Variants in DDX21 observed in about 807,000 individuals in gnomAD.
DDX21 encodes the protein DExD-box helicase 21.
DDX21 carries 18 observed loss-of-function variants against 90.0 expected under a neutral mutation model. The observed-to-expected ratio is 0.20, with a 90% confidence interval of 0.14 to 0.30. The LOEUF is 0.30. Among genes scored for constraint, DDX21 ranks in the 10% least tolerant of loss-of-function variants. DDX21 has a pLI of 1.00. For synonymous variants in DDX21, 294 were observed against 318.0 expected (o/e 0.92, Z 0.80); for missense variants, 673 against 944.5 (o/e 0.71, Z 3.77).
chr10:68,969,208 T>C (rs535092758), intron 7 of DDX21, 87 bp downstream of exon 7: 1 of 1,257,652 alleles, frequency 8.0e-7, no homozygotes. Flanking sequence ...ATGCTCTTTT[T>C]CCAGATAAAT....
chr10:68,966,302 C>T (rs1264677933), intron 5 of DDX21, among the ~76,000 whole-genome samples: 1 of 151,572 alleles, frequency 6.6e-6, no homozygotes, highest in African/African-American at 2.4e-5. Context: ...ATCTCGAACT[C>T]CTGACCTCAT....
rs772408813 is a variant in DDX21 at position 68,967,072 on chromosome 10, A to G, written c.959A>G (p.Lys320Arg). Reference sequence around the variant, plus strand: ...CTGGTTGGAACACCAGGTCGTATCAAAGACCACATACAGAATGGCAAACTA... The same window carrying G: ...CTGGTTGGAACACCAGGTCGTATCAGAGACCACATACAGAATGGCAAACTA... ...DILVGTPGRIKDHIQNGKLDL... is the reference protein window; with the variant it reads ...DILVGTPGRIRDHIQNGKLDL... Residue 320 changes from lysine (K) to arginine (R), a missense_variant, in exon 6 of 15, where the codon AAA (lysine) becomes AGA (arginine). This residue lies in a region of DDX21 where 218 missense variants were observed against 347.3 expected (regional missense o/e 0.63). Transcript: ENST00000354185. 1 of 1,612,322 alleles carries G rather than the reference A, an allele frequency of 6.2e-7. No individual in the cohort carries two copies. The highest frequency in any genetic ancestry group is 8.5e-7 in the Non-Finnish European group (1 of 1,179,378).
intron 5 of DDX21, among the ~76,000 whole-genome samples, chr10:68,966,364 C>T (rs776525179): frequency 7.9e-5 from 12 of 151,150 alleles, no homozygotes; most frequent in Non-Finnish European, 1.3e-4. Context: ...CGTGAGCCAC[C>T]GTGCCCAGCC....
intron 1 of DDX21, among the ~76,000 whole-genome samples, chr10:68,957,055 A>C (rs987310568): frequency 4.0e-5 from 6 of 151,310 alleles, no homozygotes; most frequent in African/African-American, 1.5e-4. Flanking sequence ...AAAAAAAAAA[A>C]TGTGGGCACT....
chr10:68,981,449 T>C (rs374987400), intron 13 of DDX21, 88 bp from the exon 14 acceptor site: 18 of 1,252,792 alleles, frequency 1.4e-5, no homozygotes, highest in East Asian at 1.2e-4. Context: ...TTTTTTGTTT[T>C]CTTTTTTTTA....
intron 6 of DDX21, 82 bp from the exon 7 acceptor site, chr10:68,968,894 G>A: frequency 6.7e-7 from 1 of 1,490,152 alleles, no homozygotes; most frequent in South Asian, 1.3e-5. Flanking sequence ...TTGATGGACT[G>A]TGGAAGTATT....
Position 68,971,911 on chromosome 10 carries a change from A to T in DDX21, c.1407A>T (p.Gly469=). Residue 469 remains glycine, a synonymous_variant, in exon 9 of 15, where the codon GGA becomes GGT. Transcript: ENST00000354185. ...GGCAGGATGCTCAGTCCTTGCATGG[A>T]GACATTCCACAGAAGCAAAGGGAAA... is the stretch of plus-strand genomic sequence containing the variant. ...AIKQDAQSLH[G]DIPQKQREIT... is the part of the protein sequence containing the mutation. The T allele has an allele frequency of 6.2e-7, 1 of 1,614,170 alleles. No homozygotes were observed. The highest frequency in any genetic ancestry group is 8.5e-7 in the Non-Finnish European group (1 of 1,180,010).
In DDX21 at chr10:68,963,436, A is replaced by G. The variant is rs746494504; in HGVS notation, c.753A>G (p.Glu251=). 3.7e-6 allele frequency: 6 copies of G among 1,613,714 alleles called. No homozygotes were observed. Among genetic ancestry groups the G allele is most frequent in the African/African-American group, 2.7e-5 (2 of 74,904 alleles). ...CTTTGATTGAGAAACTTCATGGGGA[A>G]CTGCAAGACAGGAAGAGAGGCCGTG... ...AIPLIEKLHG[E]LQDRKRGRAP... The change falls in exon 4 of 15, where the codon GAA becomes GAG. Residue 251 remains glutamate, a synonymous_variant. Transcript: ENST00000354185.
intron 7 of DDX21, 119 bp from the exon 8 acceptor site, chr10:68,970,082 T>A: frequency 1.1e-6 from 1 of 946,752 alleles, no homozygotes; most frequent in Non-Finnish European, 1.5e-6. Flanking sequence ...CAGGCTTGAG[T>A]AGTTGTTTCC....
At chr10:68,964,661 C>CTTTTTT (rs370442851) in intron 4 of DDX21, among the ~76,000 whole-genome samples, 5 of 100,076 alleles carry the variant, frequency 5.0e-5, no homozygotes, top group East Asian at 3.0e-4. Context: ...TGCACCTGGA[C>CTTTTTT]TTTTTTTTTT....
intron 2 of DDX21, among the ~76,000 whole-genome samples, chr10:68,960,774 TAAAA>T (rs35285469): frequency 7.0e-6 from 1 of 142,328 alleles, no homozygotes; most frequent in Non-Finnish European, 1.5e-5. Flanking sequence ...ACTCTGTCTT[TAAAA>T]AAAAAAAAAA....
intron 3 of DDX21, 73 bp downstream of exon 3, chr10:68,962,230 A>G (rs1842880958): frequency 2.6e-6 from 3 of 1,169,622 alleles, no homozygotes; most frequent in Non-Finnish European, 3.8e-6. Context: ...ATTTTTGTTA[A>G]GATGAACCAG....
chr10:68,970,416 G>A, intron 8 of DDX21, 66 bp downstream of exon 8: 1 of 1,471,066 alleles, frequency 6.8e-7, no homozygotes, highest in East Asian at 2.4e-5. Context: ...GGGCATATCT[G>A]CTCTTGGTCT....
chr10:68,977,506 C>T, intron 11 of DDX21, 23 bp from the exon 12 acceptor site: 6 of 1,587,110 alleles, frequency 3.8e-6, no homozygotes, highest in South Asian at 2.3e-5. Flanking sequence ...TATCCTTTCT[C>T]CTAACACACT....
chr10:68,962,155 A>G lies in DDX21; in HGVS notation c.605A>G (p.Lys202Arg). The change falls in exon 3 of 15, where the codon AAA (lysine) becomes AGA (arginine). Residue 202 changes from lysine to arginine, a missense_variant and splice_region_variant. Coordinates refer to ENST00000354185, the MANE Select transcript of DDX21 (RefSeq NM_004728.4). ...TCTGAAGAAACTATTAAACTTCTCA[A>G]AGGTAATGTTCTTGGAAATATCGTA... Reference protein sequence around the residue: ...PISEETIKLLKGRGVTFLFPI... With the variant: ...PISEETIKLLRGRGVTFLFPI... 1 of 1,598,194 alleles carries G rather than the reference A, an allele frequency of 6.3e-7. No homozygotes were observed. The highest frequency in any genetic ancestry group is 1.7e-5 in the Admixed American group (1 of 58,960).
chr10:68,971,350 G>C (rs1033010589), intron 8 of DDX21, among the ~76,000 whole-genome samples: 20 of 151,960 alleles, frequency 1.3e-4, no homozygotes, highest in Non-Finnish European at 5.9e-5. Context: ...ATTAAGCCCA[G>C]CATTTATTAG....
chr10:68,969,585 T>A (rs1156498209), intron 7 of DDX21, among the ~76,000 whole-genome samples: 1 of 152,200 alleles, frequency 6.6e-6, no homozygotes, highest in East Asian at 1.9e-4. Context: ...GCCCGATATC[T>A]GTGTTTTTAA....
chr10:68,965,752 G>A (rs1842931018), intron 5 of DDX21, among the ~76,000 whole-genome samples: 1 of 152,096 alleles, frequency 6.6e-6, no homozygotes, highest in African/African-American at 2.4e-5. Flanking sequence ...AACCCAAAAA[G>A]ACAGTCCATT....
intron 8 of DDX21, among the ~76,000 whole-genome samples, chr10:68,971,639 G>GA (rs1843029436): frequency 6.6e-6 from 1 of 152,162 alleles, no homozygotes; most frequent in Admixed American, 6.5e-5. Flanking sequence ...AGGTTACACT[G>GA]ATAAAATAGG....
Sources: gnomAD v4.1 joint callset for allele counts (sites outside exome capture counted in the v4.1 genomes callset) on GRCh38, gnomAD v4.1.1 for gene constraint, gnomAD v4.1.1 regional missense constraint, MANE v1.5 for transcripts, NCBI Gene and HGNC (gene_info 2026-07-23, HGNC 2026-07-21) for gene names.